CPAP: variants seen among roughly 807,000 people sequenced by gnomAD.
CPAP encodes the protein centrosomal P4.1-associated protein.
At chr13:24,906,845 C>CT in the CPAP span, 1 of 1,614,212 alleles carries the variant, frequency 6.2e-7, no homozygotes. Context: ...CACTAGTTTA[C>CT]TTTCTTTGCC....
At chr13:24,905,194 TA>T in the CPAP span, 1 of 735,152 alleles carries the variant, frequency 1.4e-6, no homozygotes, top group Non-Finnish European at 2.3e-6. Flanking sequence ...TATAGACCCA[TA>T]AAATAAATCA....
chr13:24,885,274 A>G, the CPAP span: 3 of 1,564,152 alleles, frequency 1.9e-6, no homozygotes, highest in Middle Eastern at 3.3e-4. Context: ...ACATTTTTTA[A>G]CCTTTCCATC....
the CPAP span, among the ~76,000 whole-genome samples, chr13:24,926,745 C>A: frequency 1.6e-4 from 24 of 152,158 alleles, no homozygotes; most frequent in Non-Finnish European, 2.6e-4. Context: ...AGAAGGGGAG[C>A]TCTTGGCCTG....
the CPAP span, among the ~76,000 whole-genome samples, chr13:24,908,478 G>C: frequency 6.7e-6 from 1 of 149,482 alleles, no homozygotes; most frequent in Non-Finnish European, 1.5e-5. Context: ...GCCAGGCGTG[G>C]TGGCACATGC....
the CPAP span, among the ~76,000 whole-genome samples, chr13:24,921,496 G>GCTGTACACTTAAGATTAGCGCACTTTAC: frequency 6.6e-6 from 1 of 152,046 alleles, no homozygotes; most frequent in South Asian, 2.1e-4. Context: ...AATACAGGGG[G>GCTGTACACTTAAGATTAGCGCACTTTAC]TGGATACACT....
At chr13:24,895,101 G>A in the CPAP span, among the ~76,000 whole-genome samples, 17,810 of 152,300 alleles carry the variant, frequency 0.12, 1,381 homozygotes, top group East Asian at 0.32. Context: ...ACGGCTGAGA[G>A]CCAGCGCCGT....
At chr13:24,906,653 C>A in the CPAP span, 1 of 1,614,266 alleles carries the variant, frequency 6.2e-7, no homozygotes, top group Non-Finnish European at 8.5e-7. Context: ...CCTGTTACTA[C>A]ACTTCAGCAT....
the CPAP span, among the ~76,000 whole-genome samples, chr13:24,895,185 G>A: frequency 6.6e-6 from 1 of 152,260 alleles, no homozygotes; most frequent in African/African-American, 2.4e-5. Flanking sequence ...AGGCGCAGCC[G>A]GCTCTGTCAA....
At chr13:24,889,103 TA>T in the CPAP span, 33 of 568,364 alleles carry the variant, frequency 5.8e-5, no homozygotes, top group African/African-American at 6.0e-4. Flanking sequence ...CGCAACAAGG[TA>T]AAATAATTTA....
chr13:24,889,423 T>G, the CPAP span: 1 of 1,469,030 alleles, frequency 6.8e-7, no homozygotes, highest in South Asian at 1.2e-5. Flanking sequence ...AGATAATTTT[T>G]TATTTAAAAT....
the CPAP span, among the ~76,000 whole-genome samples, chr13:24,911,703 ATTTTTTTTTTTT>A: frequency 7.4e-6 from 1 of 135,208 alleles, no homozygotes; most frequent in African/African-American, 2.8e-5. Flanking sequence ...CACCCAGCTC[ATTTTTTTTTTTT>A]TTTTAATGAA....
the CPAP span, chr13:24,899,603 G>GT: frequency 6.2e-7 from 1 of 1,605,916 alleles, no homozygotes; most frequent in South Asian, 1.1e-5. Context: ...ACCAAACTAT[G>GT]TTATCACCTA....
At chr13:24,914,902 G>A in the CPAP span, among the ~76,000 whole-genome samples, 3 of 151,836 alleles carry the variant, frequency 2.0e-5, no homozygotes, top group African/African-American at 4.8e-5. Flanking sequence ...GTGAAACCCC[G>A]TTTCTAATAA....
the CPAP span, chr13:24,906,879 T>C: frequency 1.2e-6 from 2 of 1,614,214 alleles, no homozygotes; most frequent in Non-Finnish European, 1.7e-6. Context: ...GATTTGGCAT[T>C]AGTAAATCTA....
At chr13:24,905,775 C>A in the CPAP span, 26 of 1,614,024 alleles carry the variant, frequency 1.6e-5, no homozygotes, top group Non-Finnish European at 2.2e-5. Context: ...AAATCCAGAT[C>A]AACATCTCTC....
chr13:24,889,127 G>A, the CPAP span: 1 of 604,850 alleles, frequency 1.7e-6, no homozygotes, highest in Admixed American at 2.9e-5. Context: ...ACCGAAGCAT[G>A]GACCATTATC....
At chr13:24,908,458 A>AAAAAAAAAAAAG in the CPAP span, among the ~76,000 whole-genome samples, 2 of 129,286 alleles carry the variant, frequency 1.5e-5, no homozygotes, top group African/African-American at 5.4e-5. Context: ...AAAAAAAAAA[A>AAAAAAAAAAAAG]AAAAAATTAG....
At chr13:24,883,522 T>C in the CPAP span, among the ~76,000 whole-genome samples, 1 of 152,234 alleles carries the variant, frequency 6.6e-6, no homozygotes, top group Non-Finnish European at 1.5e-5. Flanking sequence ...TCTACAGTGT[T>C]TCTGCTTCAT....
the CPAP span, among the ~76,000 whole-genome samples, chr13:24,923,103 C>T: frequency 4.6e-5 from 7 of 152,196 alleles, no homozygotes; most frequent in Non-Finnish European, 1.0e-4. Context: ...GTGGACGTCG[C>T]CCCAGGCTCC....
Sources: allele counts gnomAD v4.1 joint callset (sites outside exome capture counted in the v4.1 genomes callset), GRCh38; gene constraint gnomAD v4.1.1; transcripts MANE v1.5; gene names NCBI Gene and HGNC (gene_info 2026-07-23, HGNC 2026-07-21).